Variants in MICAL2 observed in about 807,000 individuals in gnomAD.
The protein encoded by MICAL2 is [F-actin]-monooxygenase MICAL2.
Under a neutral mutation model 127.3 loss-of-function variants are expected in MICAL2, and 77 were observed. The observed-to-expected ratio is 0.60, with a 90% confidence interval of 0.50 to 0.73. The LOEUF (loss-of-function observed/expected upper bound fraction) is 0.73, where lower values mean the gene tolerates loss of function less well. Ranked by LOEUF, MICAL2 falls within the 30% of genes least tolerant of loss-of-function variation. MICAL2 has a pLI of 0.00. For missense variants in MICAL2, 1,351 were observed against 1,434.4 expected, an observed-to-expected ratio of 0.94 and a Z score of 0.94; for synonymous variants, 570 against 551.1, an observed-to-expected ratio of 1.03 and a Z score of -0.48.
At chr11:12,327,098 G>A in intron 31 of MICAL2, 3 of 1,319,126 alleles carry the variant, frequency 2.3e-6, no homozygotes, top group Non-Finnish European at 3.2e-6. Context: ...CTCCTGGAAA[G>A]TAAGTGGCAG....
At chr11:12,160,919 T>C (rs887921213) in intron 2 of MICAL2, among the ~76,000 whole-genome samples, 3 of 152,188 alleles carry the variant, frequency 2.0e-5, no homozygotes, top group Non-Finnish European at 4.4e-5. Context: ...CTTTTAGTAT[T>C]ATAAAACCGT....
chr11:12,267,750 C>T (rs182477692), downstream of MICAL2, among the ~76,000 whole-genome samples: 215 of 152,226 alleles, frequency 1.4e-3, 1 homozygote, highest in Non-Finnish European at 2.6e-3. Flanking sequence ...TACAGGCACC[C>T]GCCACCACAC....
intron 31 of MICAL2, among the ~76,000 whole-genome samples, chr11:12,325,333 C>T (rs1456137075): frequency 6.6e-6 from 1 of 152,142 alleles, no homozygotes; most frequent in Non-Finnish European, 1.5e-5. Flanking sequence ...TGATCTCGAA[C>T]TCCTGAGCTC....
At position 12,177,877 on chromosome 11, in the gene MICAL2, G is replaced by T. The variant is rs188825524; in HGVS notation, c.264+15458G>T. Among the ~76,000 whole-genome samples the T allele has an allele frequency of 2.4e-4, 36 of 152,210 alleles. No individual in the cohort carries two copies. The Middle Eastern group carries it at 0.014, about 58-fold the overall frequency. ...ATGACTCTCCACATTTCTATTTCTGGCCTGTACCTCTCTCTTGAGCCCCAT... is the reference window on the plus strand; with the variant it reads ...ATGACTCTCCACATTTCTATTTCTGTCCTGTACCTCTCTCTTGAGCCCCAT... On this transcript the variant is annotated intron_variant, in intron 3 of 27. Coordinates refer to ENST00000683283, the MANE Select transcript of MICAL2 (RefSeq NM_001282663.2).
At chr11:12,176,356 T>C (rs1191351100) in intron 3 of MICAL2, among the ~76,000 whole-genome samples, 1 of 152,198 alleles carries the variant, frequency 6.6e-6, no homozygotes, top group African/African-American at 2.4e-5. Flanking sequence ...ATAATAATGA[T>C]AGTTGTTATC....
chr11:12,198,096 C>T (rs972045694), intron 3 of MICAL2, among the ~76,000 whole-genome samples: 6 of 151,906 alleles, frequency 3.9e-5, no homozygotes, highest in African/African-American at 1.5e-4. Flanking sequence ...CCCTACTGGC[C>T]AACCCCCTCT....
At chr11:12,219,666 A>G (rs1310480261) in intron 8 of MICAL2, among the ~76,000 whole-genome samples, 1 of 151,840 alleles carries the variant, frequency 6.6e-6, no homozygotes, top group Non-Finnish European at 1.5e-5. Flanking sequence ...TAAACATGGC[A>G]TATTTGGATC....
rs1212820270 is a variant in MICAL2, at chr11:12,260,742, G to C, written c.3334+845G>C. 6.1e-6 allele frequency: 6 copies of C among 985,368 alleles called. No homozygotes were observed. In the South Asian group the frequency reaches 2.8e-4, roughly 46 times the overall value. 61.0% of individuals were successfully genotyped at this position (985,368 alleles called of 1,614,324 possible). A position where few individuals can be genotyped will look rare whatever the true frequency, so the allele number is the denominator to read the frequency against. ...GCAGAATAGAATTCAACTTACAGAA[G>C]CACGGAGCAGTGTGTGGTTGGCTGT... On this transcript the variant is annotated intron_variant, in intron 26 of 27. Coordinates refer to ENST00000683283, the MANE Select transcript of MICAL2 (RefSeq NM_001282663.2).
At chr11:12,266,753 G>A (rs1420593271), downstream of MICAL2, among the ~76,000 whole-genome samples, 1 of 152,230 alleles carries the variant, frequency 6.6e-6, no homozygotes, top group African/African-American at 2.4e-5. Flanking sequence ...CTGAGGGCCT[G>A]GGCTCCACCA....
At chr11:12,136,195 T>A (rs1449783484) in intron 1 of MICAL2, among the ~76,000 whole-genome samples, 1 of 152,094 alleles carries the variant, frequency 6.6e-6, no homozygotes, top group Non-Finnish European at 1.5e-5. Context: ...GGCACTGGCC[T>A]GATGGCAAGT....
intron 32 of MICAL2, among the ~76,000 whole-genome samples, chr11:12,338,993 T>C (rs1249320491): frequency 6.6e-6 from 1 of 152,194 alleles, no homozygotes; most frequent in Non-Finnish European, 1.5e-5. Flanking sequence ...TGAATCTGAA[T>C]GTTGGCCTGC....
chr11:12,224,587 G>A (rs560485763), intron 12 of MICAL2, 86 bp from the exon 13 acceptor site: 1 of 1,539,896 alleles, frequency 6.5e-7, no homozygotes, highest in East Asian at 2.3e-5. Flanking sequence ...CTGGTCCCCA[G>A]CCATGGTGGC....
At position 12,224,808 on chromosome 11, in the gene MICAL2, G is replaced by A. The variant is rs35387130; in HGVS notation, c.1676G>A (p.Arg559Gln). Residue 559 changes from arginine (R) to glutamine (Q), a missense_variant, in exon 13 of 28, where the codon CGG becomes CAG. Physicochemically the swap from Arg to Gln is conservative, Grantham distance 43. Around this residue, in one of 2 missense-constraint regions of MICAL2, gnomAD observed 599 missense variants for 714.9 expected, o/e 0.84. Coordinates refer to ENST00000683283, the MANE Select transcript of MICAL2 (RefSeq NM_001282663.2). The part of the protein sequence containing the change: ...LALCAIIHRF[R>Q]PELINFDSLN... ...CTGTGTGCCATCATCCACCGCTTCC[G>A]GCCTGAGCTCATGTGAGTCTGGGGC... 9,224 of 1,612,596 alleles carry A rather than the reference G, an allele frequency of 5.7e-3. 36 individuals are homozygous for A. Among genetic ancestry groups the A allele is most frequent in the Non-Finnish European group, 7.1e-3 (8,404 of 1,178,660 alleles).
chr11:12,255,750 G>C lies in MICAL2; in HGVS notation c.2955G>C (p.Leu985=). The C allele has an allele frequency of 6.2e-7, 1 of 1,611,290 alleles. No individual in the cohort carries two copies. Among genetic ancestry groups the C allele is most frequent in the Non-Finnish European group, 8.5e-7 (1 of 1,178,436 alleles). ...AGGCCCAGGCCACCTCTCCAGACCTGGTAAGGACATGCACCCCCAGCCTTC... is the reference window on the plus strand; with the variant it reads ...AGGCCCAGGCCACCTCTCCAGACCTCGTAAGGACATGCACCCCCAGCCTTC... ...RPKAQATSPD[L]ESMRKSFPLN... is the part of the protein sequence containing the mutation. The change falls in exon 23 of 28, where the codon CTG becomes CTC. Residue 985 remains leucine, a splice_region_variant and synonymous_variant. Transcript: ENST00000683283.
At chr11:12,267,153 C>T (rs1285628920), downstream of MICAL2, among the ~76,000 whole-genome samples, 1 of 152,186 alleles carries the variant, frequency 6.6e-6, no homozygotes, top group East Asian at 1.9e-4. Context: ...CTCCCCTTCC[C>T]TCCCACCACC....
At chr11:12,325,740 C>T (rs1864347194) in intron 31 of MICAL2, among the ~76,000 whole-genome samples, 1 of 152,188 alleles carries the variant, frequency 6.6e-6, no homozygotes, top group African/African-American at 2.4e-5. Flanking sequence ...ACCTGGATTA[C>T]CTCCTTAAAG....
At chr11:12,349,993 G>GTAAGCCACCCCCCTT in intron 33 of MICAL2, 1 of 1,479,030 alleles carries the variant, frequency 6.8e-7, no homozygotes, top group Non-Finnish European at 9.4e-7. Context: ...GCAAAGGGGG[G>GTAAGCCACCCCCCTT]TGGCTTACCC....
At chr11:12,301,450 T>A (rs1386523985) in intron 29 of MICAL2, among the ~76,000 whole-genome samples, 8 of 152,196 alleles carry the variant, frequency 5.3e-5, no homozygotes, top group Admixed American at 5.2e-4. Flanking sequence ...AATAGTGCTG[T>A]TAGGAGCACT....
At chr11:12,309,880 G>T (rs1297900767) in intron 29 of MICAL2, among the ~76,000 whole-genome samples, 1 of 152,206 alleles carries the variant, frequency 6.6e-6, no homozygotes, top group Middle Eastern at 3.4e-3. Context: ...TCTAACTGGG[G>T]TGAGATGATA....
Sources: allele counts gnomAD v4.1 joint callset (sites outside exome capture counted in the v4.1 genomes callset), GRCh38; gene constraint gnomAD v4.1.1; regional missense constraint gnomAD v4.1.1; transcripts MANE v1.5; gene names NCBI Gene and HGNC (gene_info 2026-07-23, HGNC 2026-07-21).